Variants in TMEM117 observed in about 807,000 individuals in gnomAD.
TMEM117 encodes the protein transmembrane protein 117.
A neutral mutation model predicts 52.4 loss-of-function variants in TMEM117; 27 were observed. That is an observed-to-expected ratio of 0.51 (90% CI 0.38 to 0.71). TMEM117 has a LOEUF of 0.71. Ranked by LOEUF, TMEM117 falls within the 30% of genes least tolerant of loss-of-function variation. The pLI is 0.00. For synonymous variants in TMEM117, 215 were observed against 206.3 expected, an observed-to-expected ratio of 1.04 and a Z score of -0.36; for missense variants, 556 against 630.5, an observed-to-expected ratio of 0.88 and a Z score of 1.26.
intron 5 of TMEM117, among the ~76,000 whole-genome samples, chr12:44,269,631 C>T (rs1375851991): frequency 1.3e-5 from 2 of 151,922 alleles, no homozygotes; most frequent in African/African-American, 4.8e-5. Flanking sequence ...AACATTCTCT[C>T]ATTGGAATTA....
chr12:44,096,801 T>C (rs1947772303), intron 3 of TMEM117, among the ~76,000 whole-genome samples: 1 of 152,074 alleles, frequency 6.6e-6, no homozygotes, highest in African/African-American at 2.4e-5. Context: ...GACATAGGCA[T>C]GGGCAAGGAC....
At chr12:44,347,619 A>G (rs1421685608) in intron 6 of TMEM117, among the ~76,000 whole-genome samples, 20 of 152,002 alleles carry the variant, frequency 1.3e-4, no homozygotes, top group Admixed American at 1.3e-3. Flanking sequence ...CCAATAATTT[A>G]AGATGGTAAC....
intron 3 of TMEM117, among the ~76,000 whole-genome samples, chr12:44,064,328 A>G (rs1282384111): frequency 1.3e-5 from 2 of 152,230 alleles, no homozygotes; most frequent in Non-Finnish European, 2.9e-5. Context: ...AGCTATTTGC[A>G]ATATGTATAT....
At chr12:44,280,018 C>T (rs1190524703) in intron 5 of TMEM117, among the ~76,000 whole-genome samples, 1 of 152,150 alleles carries the variant, frequency 6.6e-6, no homozygotes, top group Non-Finnish European at 1.5e-5. Flanking sequence ...TAGTCTCAAT[C>T]TGTCTCTGAA....
intron 4 of TMEM117, among the ~76,000 whole-genome samples, chr12:44,210,504 G>A (rs971335657): frequency 2.6e-5 from 4 of 152,060 alleles, no homozygotes; most frequent in African/African-American, 4.8e-5. Context: ...TTTTGGTCTA[G>A]TATATAAAAA....
At chr12:43,867,794 AAAAC>A (rs1334072178) in intron 2 of TMEM117, among the ~76,000 whole-genome samples, 1 of 152,200 alleles carries the variant, frequency 6.6e-6, no homozygotes. Flanking sequence ...ATCTGATACT[AAAAC>A]TAACAGAGCA....
rs555739018 is a variant in TMEM117, at chr12:44,065,162, A to G, written c.411-78363A>G. On this transcript the variant is annotated intron_variant, in intron 3 of 7. Coordinates refer to ENST00000266534, the MANE Select transcript of TMEM117 (RefSeq NM_032256.3). ...CACTTTGGGAGGCTGAGGCGGGCAG[A>G]TCACTTGAGGCATTCAAGACCAGCT... 7.2e-5 allele frequency among the ~76,000 whole-genome samples: 11 copies of G among 152,272 alleles called. No individual in the cohort carries two copies. The South Asian group carries it at 2.3e-3, about 32-fold the overall frequency.
At chr12:43,932,132 T>C (rs1944880820) in intron 2 of TMEM117, among the ~76,000 whole-genome samples, 1 of 152,132 alleles carries the variant, frequency 6.6e-6, no homozygotes, top group African/African-American at 2.4e-5. Context: ...GAATTAAGAA[T>C]TTGCCATATG....
intron 3 of TMEM117, among the ~76,000 whole-genome samples, chr12:43,945,597 A>G (rs533616622): frequency 1.3e-5 from 2 of 152,348 alleles, no homozygotes; most frequent in African/African-American, 4.8e-5. Flanking sequence ...TGCTGGGATT[A>G]CAGGCTTGAG....
intron 6 of TMEM117, 44 bp downstream of exon 6, chr12:44,299,783 G>C (rs1208105436): frequency 1.2e-6 from 2 of 1,606,378 alleles, no homozygotes. Flanking sequence ...TGCATGCTCT[G>C]TTCCCAGTAT....
intron 7 of TMEM117, among the ~76,000 whole-genome samples, chr12:44,379,153 G>A (rs989150431): frequency 3.3e-5 from 5 of 151,086 alleles, no homozygotes; most frequent in Non-Finnish European, 7.4e-5. Flanking sequence ...AGAGGAGGGA[G>A]GGAAGAAAGG....
chr12:44,310,977 A>T (rs1024998489), intron 6 of TMEM117, among the ~76,000 whole-genome samples: 1 of 152,174 alleles, frequency 6.6e-6, no homozygotes. Flanking sequence ...CTTTGATCAG[A>T]TGGCTGTACA....
At chr12:44,139,388 T>C (rs144968167) in intron 3 of TMEM117, among the ~76,000 whole-genome samples, 2 of 152,212 alleles carry the variant, frequency 1.3e-5, no homozygotes, top group African/African-American at 4.8e-5. Context: ...TAGAGTCTGT[T>C]TAGTTTAGTC....
chr12:44,035,648 T>C (rs1282581980), intron 3 of TMEM117, among the ~76,000 whole-genome samples: 1 of 152,208 alleles, frequency 6.6e-6, no homozygotes, highest in Admixed American at 6.5e-5. Context: ...TTAACTTGAG[T>C]GTACTCTTTT....
chr12:43,866,276 A>G (rs924173704), intron 2 of TMEM117, among the ~76,000 whole-genome samples: 2 of 151,808 alleles, frequency 1.3e-5, no homozygotes, highest in South Asian at 2.1e-4. Context: ...TAAAAATTTC[A>G]ACCTAAAATT....
chr12:44,282,902 C>T (rs939193974), intron 5 of TMEM117, among the ~76,000 whole-genome samples: 24 of 152,336 alleles, frequency 1.6e-4, no homozygotes, highest in African/African-American at 4.8e-4. Context: ...CCAGGGTCCT[C>T]GTGCTGTGTG....
intron 4 of TMEM117, among the ~76,000 whole-genome samples, chr12:44,206,978 T>A (rs1197248933): frequency 6.6e-6 from 1 of 152,026 alleles, no homozygotes; most frequent in Non-Finnish European, 1.5e-5. Context: ...GTCAAAAAAA[T>A]TTTTAAAAAG....
intron 1 of TMEM117, among the ~76,000 whole-genome samples, chr12:43,840,021 C>G (rs1943092585): frequency 1.3e-5 from 2 of 152,198 alleles, no homozygotes; most frequent in Admixed American, 1.3e-4. Flanking sequence ...AGTGATACAT[C>G]TCTACATCAG....
At chr12:44,309,454 G>A (rs935911675) in intron 6 of TMEM117, among the ~76,000 whole-genome samples, 2 of 150,828 alleles carry the variant, frequency 1.3e-5, no homozygotes, top group African/African-American at 5.0e-5. Context: ...AGTAACAGGA[G>A]ACCATATGAG....
Sources: gnomAD v4.1 joint callset for allele counts (sites outside exome capture counted in the v4.1 genomes callset) on GRCh38, gnomAD v4.1.1 for gene constraint, MANE v1.5 for transcripts, NCBI Gene and HGNC (gene_info 2026-07-23, HGNC 2026-07-21) for gene names.